Variants in PATL1 observed in about 807,000 individuals in gnomAD.
PATL1 encodes PAT1 homolog 1, processing body mRNA decay factor, also known as protein PAT1 homolog 1.
In PATL1, 32 loss-of-function variants were observed where a neutral mutation model predicts 100.6. The observed-to-expected ratio is 0.32, with a 90% CI of 0.24 to 0.43. The LOEUF is 0.43. PATL1 is among the 20% of genes least tolerant of loss of function. The probability of loss-of-function intolerance (pLI) is 1.00; values close to 1 mark genes in which losing one functional copy is unlikely to be tolerated. For synonymous variants in PATL1, 332 were observed against 330.0 expected (o/e 1.01, Z -0.07); for missense variants, 747 against 949.9 (o/e 0.79, Z 2.81).
chr11:59,651,453 C>A, intron 12 of PATL1, 91 bp downstream of exon 12: 2 of 1,014,156 alleles, frequency 2.0e-6, no homozygotes. Context: ...CTACAAACAA[C>A]TCTACCATGC....
intron 2 of PATL1, among the ~76,000 whole-genome samples, chr11:59,660,040 A>G (rs1311612145): frequency 6.6e-6 from 1 of 152,202 alleles, no homozygotes; most frequent in Admixed American, 6.5e-5. Context: ...TAATGTCCAA[A>G]CTATATTCTG....
intron 15 of PATL1, among the ~76,000 whole-genome samples, chr11:59,644,548 G>A (rs1861333473): frequency 6.6e-6 from 1 of 151,970 alleles, no homozygotes. Flanking sequence ...CTTTTCTCTT[G>A]TTATTTATCT....
rs1382095580 is a variant in PATL1 at position 59,655,670 on chromosome 11, G to A, written c.884C>T (p.Ala295Val). The part of the protein sequence containing the change: ...VPGFVGSPLA[A>V]MNPKLLQGRV... ...CCCTTGTAGCAACTTGGGATTCATG[G>A]CAGCAAGTGGACTACCAACAAATCC... The change falls in exon 8 of 19, where the codon GCC (alanine) becomes GTC (valine). Residue 295 changes from alanine to valine, a missense_variant. Physicochemically the swap from Ala to Val is moderately conservative, Grantham distance 64. Around this residue, in one of 4 missense-constraint regions of PATL1, gnomAD observed 434 missense variants for 596.1 expected, o/e 0.73. Coordinates refer to ENST00000300146, the MANE Select transcript of PATL1 (RefSeq NM_152716.3). The A allele has an allele frequency of 3.7e-6, 6 of 1,605,072 alleles. No individual in the cohort carries two copies. Among genetic ancestry groups the A allele is most frequent in the Admixed American group, 1.7e-5 (1 of 58,642 alleles).
chr11:59,655,758 A>T lies in PATL1; in HGVS notation c.814-18T>A, dbSNP rs373542395. On this transcript the variant is annotated intron_variant, in intron 7 of 18. Coordinates refer to ENST00000300146, the MANE Select transcript of PATL1 (RefSeq NM_152716.3). ...GGCTGTAGCTACAAAGAGGAAGAAGATCTTAGATTTAGACAATCAGCAAGT... is the reference window on the plus strand; with the variant it reads ...GGCTGTAGCTACAAAGAGGAAGAAGTTCTTAGATTTAGACAATCAGCAAGT... 6.4e-7 allele frequency: 1 copy of T among 1,563,094 alleles called. No individual in the cohort carries two copies. The highest frequency in any genetic ancestry group is 2.4e-5 in the East Asian group (1 of 42,446).
In PATL1 at chr11:59,638,482, A is replaced by G; in HGVS notation, c.2292-71T>C. ...AACAGAAGGCAATCTTTCATATTACAGTTACATCTTTGTAAGACTTCTCAT... is the reference window on the plus strand; with the variant it reads ...AACAGAAGGCAATCTTTCATATTACGGTTACATCTTTGTAAGACTTCTCAT... On this transcript the variant is annotated intron_variant, in intron 18 of 18. Coordinates refer to ENST00000300146, the MANE Select transcript of PATL1 (RefSeq NM_152716.3). 4.5e-6 allele frequency: 6 copies of G among 1,346,454 alleles called. No individual in the cohort carries two copies. In the South Asian group the frequency reaches 7.4e-5, roughly 16 times the overall value. 83.4% of individuals were successfully genotyped at this position (1,346,454 alleles called of 1,614,324 possible). A position where few individuals can be genotyped will look rare whatever the true frequency, so the allele number is the denominator to read the frequency against.
intron 2 of PATL1, among the ~76,000 whole-genome samples, chr11:59,660,344 GGAAA>G (rs1002953390): frequency 1.3e-5 from 2 of 152,080 alleles, no homozygotes; most frequent in African/African-American, 4.8e-5. Flanking sequence ...CATGCAAGCA[GGAAA>G]GAGAGAGATG....
chr11:59,641,696 T>C (rs1861282910), intron 16 of PATL1, among the ~76,000 whole-genome samples: 1 of 151,758 alleles, frequency 6.6e-6, no homozygotes, highest in Non-Finnish European at 1.5e-5. Context: ...GAGGTTGCAG[T>C]GAGCCGAGAT....
At position 59,657,767 on chromosome 11, in the gene PATL1, T is replaced by C. The variant is rs1041610743; in HGVS notation, c.427-43A>G. 2.7e-6 allele frequency: 4 copies of C among 1,465,538 alleles called. No homozygotes were observed. The Admixed American group carries it at 6.0e-5, about 22-fold the overall frequency. The allele number at this position is 1,465,538 out of a possible 1,614,324, so 90.8% of individuals were successfully genotyped here. On this transcript the variant is annotated intron_variant, in intron 4 of 18. Transcript: ENST00000300146. ...AAAATAAAATAGAAATTAACTAACT[T>C]GGTATGTTTTAGTAATCTCTACAGA...
intron 5 of PATL1, 59 bp from the exon 6 acceptor site, chr11:59,656,659 C>T: frequency 7.0e-7 from 1 of 1,422,306 alleles, no homozygotes; most frequent in Non-Finnish European, 9.8e-7. Context: ...CTTCCACCTA[C>T]ACTCCCTCCC....
At chr11:59,648,576 T>A (rs1432597240) in intron 14 of PATL1, among the ~76,000 whole-genome samples, 1 of 152,154 alleles carries the variant, frequency 6.6e-6, no homozygotes, top group African/African-American at 2.4e-5. Context: ...TAATTAGTGT[T>A]ACCATTTTAA....
intron 15 of PATL1, among the ~76,000 whole-genome samples, chr11:59,646,974 C>T (rs1018806782): frequency 1.3e-5 from 2 of 152,070 alleles, no homozygotes; most frequent in Non-Finnish European, 2.9e-5. Context: ...AATCCCAGCA[C>T]TTTGGGAGGC....
At chr11:59,642,646 G>A (rs1002161846) in intron 16 of PATL1, 5 of 378,834 alleles carry the variant, frequency 1.3e-5, no homozygotes, top group Non-Finnish European at 2.3e-5. Flanking sequence ...AAAAAGCCTG[G>A]ATCCCTGATG....
At chr11:59,656,991 G>A in intron 5 of PATL1, 1 of 790,540 alleles carries the variant, frequency 1.3e-6, no homozygotes. Flanking sequence ...TGGCCGCCAT[G>A]CTCAGCACTT....
At chr11:59,661,951 ATAAT>A (rs1174034543) in intron 2 of PATL1, among the ~76,000 whole-genome samples, 27 of 152,258 alleles carry the variant, frequency 1.8e-4, no homozygotes, top group Non-Finnish European at 2.5e-4. Flanking sequence ...TTCCAATATA[ATAAT>A]TAATACTGTA....
chr11:59,638,424 A>G lies in PATL1; in HGVS notation c.2292-13T>C. ...CCCCTGAACTAGCCTAGGAGTACAA[A>G]GGAGAGAAAGGAAAATTGTATAAAT... On this transcript the variant is annotated splice_polypyrimidine_tract_variant and intron_variant, in intron 18 of 18. Coordinates refer to ENST00000300146, the MANE Select transcript of PATL1 (RefSeq NM_152716.3). 6.2e-7 allele frequency: 1 copy of G among 1,607,196 alleles called. No individual in the cohort carries two copies.
At chr11:59,659,514 CA>C in intron 2 of PATL1, 45 bp from the exon 3 acceptor site, 4 of 1,443,862 alleles carry the variant, frequency 2.8e-6, no homozygotes, top group Non-Finnish European at 2.8e-6. Context: ...CATAGTGGTA[CA>C]AAAAAGTTTT....
Position 59,655,981 on chromosome 11 carries a change from C to G in PATL1, c.788G>C (p.Arg263Thr), listed in dbSNP as rs1861524130. ...CTGTGCTCCTCCAAGAAGCTGTGCT[C>G]TCTGGAGGGGGCTGAGAACAGGAGG... Reference protein sequence around the residue: ...SVPPVLSPLQRAQLLGGAQLQ... With the variant: ...SVPPVLSPLQTAQLLGGAQLQ... The change falls in exon 7 of 19, where the codon AGA becomes ACA. Residue 263 changes from arginine (R) to threonine (T), a missense_variant. Arg to Thr is a moderately conservative substitution (Grantham distance 71). Around this residue, in one of 4 missense-constraint regions of PATL1, gnomAD observed 127 missense variants for 116.0 expected, o/e 1.09. Transcript: ENST00000300146. 2 of 1,600,914 alleles carry G rather than the reference C, an allele frequency of 1.2e-6. No homozygotes were observed. The highest frequency in any genetic ancestry group is 2.7e-5 in the African/African-American group (2 of 73,442).
chr11:59,667,183 TC>T, intron 1 of PATL1: 1 of 713,836 alleles, frequency 1.4e-6, no homozygotes, highest in Non-Finnish European at 1.7e-6. Context: ...TTCATTTAAT[TC>T]TTGCCCCACC....
At chr11:59,647,300 TA>T (rs558396565) in intron 15 of PATL1, among the ~76,000 whole-genome samples, 1 of 150,274 alleles carries the variant, frequency 6.7e-6, no homozygotes, top group Non-Finnish European at 1.5e-5. Context: ...GTCTACAGGC[TA>T]ATGTTAAGCT....
Sources: allele counts gnomAD v4.1 joint callset (sites outside exome capture counted in the v4.1 genomes callset), GRCh38; gene constraint gnomAD v4.1.1; regional missense constraint gnomAD v4.1.1; transcripts MANE v1.5; gene names NCBI Gene and HGNC (gene_info 2026-07-23, HGNC 2026-07-21).